Variants in NFATC3 observed in about 807,000 individuals in gnomAD.
NFATC3 encodes the protein nuclear factor of activated T cells 3.
NFATC3 carries 46 observed loss-of-function variants against 98.6 expected under a neutral mutation model. The observed-to-expected ratio is 0.47, with a 90% CI of 0.37 to 0.60. The LOEUF (loss-of-function observed/expected upper bound fraction) is 0.60, where lower values mean the gene tolerates loss of function less well. Among genes scored for constraint, NFATC3 ranks in the 20% least tolerant of loss-of-function variants. The probability of loss-of-function intolerance (pLI) is 0.00; values close to 1 mark genes in which losing one functional copy is unlikely to be tolerated. For synonymous variants in NFATC3, 512 were observed against 472.2 expected, an observed-to-expected ratio of 1.08 and a Z score of -1.09; for missense variants, 1,256 against 1,295.5, an observed-to-expected ratio of 0.97 and a Z score of 0.47.
intron 1 of NFATC3, among the ~76,000 whole-genome samples, chr16:68,094,797 A>G (rs1045013790): frequency 6.6e-6 from 1 of 152,208 alleles, no homozygotes; most frequent in African/African-American, 2.4e-5. Context: ...AATATATGCA[A>G]AATAGTTACA....
chr16:68,148,216 A>G (rs775090709), intron 3 of NFATC3, among the ~76,000 whole-genome samples: 2 of 152,012 alleles, frequency 1.3e-5, no homozygotes, highest in Non-Finnish European at 2.9e-5. Flanking sequence ...GGGTTTCTCC[A>G]TGTTGGTCAG....
At chr16:68,180,564 A>G (rs956350229) in intron 6 of NFATC3, among the ~76,000 whole-genome samples, 1 of 152,120 alleles carries the variant, frequency 6.6e-6, no homozygotes, top group African/African-American at 2.4e-5. Context: ...GGTTTGTTAC[A>G]TAGGTGTAGA....
intron 4 of NFATC3, among the ~76,000 whole-genome samples, chr16:68,159,906 G>A (rs574999698): frequency 1.4e-3 from 206 of 151,462 alleles, no homozygotes; most frequent in Non-Finnish European, 2.4e-3. Flanking sequence ...GGTGAAACCC[G>A]TCTCTGCTAA....
At chr16:68,160,284 T>TG (rs2038831177) in intron 4 of NFATC3, among the ~76,000 whole-genome samples, 1 of 151,636 alleles carries the variant, frequency 6.6e-6, no homozygotes, top group East Asian at 1.9e-4. Context: ...GCCAATATGG[T>TG]GAAACCCCCA....
chr16:68,111,489 A>G (rs924770504), intron 1 of NFATC3, among the ~76,000 whole-genome samples: 1 of 151,740 alleles, frequency 6.6e-6, no homozygotes, highest in Admixed American at 6.6e-5. Flanking sequence ...ATTTTCCTCC[A>G]TCTCTTTATT....
intron 9 of NFATC3, among the ~76,000 whole-genome samples, chr16:68,211,334 C>G: frequency 6.7e-6 from 1 of 148,734 alleles, no homozygotes; most frequent in East Asian, 2.0e-4. Context: ...ATTACAGGCA[C>G]TCACCACTAT....
At chr16:68,215,287 G>A (rs1401810519) in intron 9 of NFATC3, among the ~76,000 whole-genome samples, 1 of 152,176 alleles carries the variant, frequency 6.6e-6, no homozygotes, top group Admixed American at 6.6e-5. Context: ...GTCCAACCAT[G>A]AGAGGAGTGG....
intron 1 of NFATC3, chr16:68,088,701 G>C (rs2418738): frequency 0.18 from 27,894 of 151,784 alleles, 2,936 homozygotes; most frequent in African/African-American, 0.28. Context: ...AGCTGGCTAC[G>C]TTTTGTGTTT....
intron 3 of NFATC3, among the ~76,000 whole-genome samples, chr16:68,145,884 A>G (rs2038016277): frequency 6.6e-6 from 1 of 152,202 alleles, no homozygotes; most frequent in Non-Finnish European, 1.5e-5. Context: ...GCAGTATTGT[A>G]TCAGTGTCAA....
chr16:68,101,336 G>T (rs940705871), intron 1 of NFATC3, among the ~76,000 whole-genome samples: 2 of 152,096 alleles, frequency 1.3e-5, no homozygotes, highest in Non-Finnish European at 2.9e-5. Context: ...TAGAGATATG[G>T]TTTCACTGCA....
chr16:68,174,813 A>G (rs2039612900), intron 6 of NFATC3, among the ~76,000 whole-genome samples: 1 of 152,116 alleles, frequency 6.6e-6, no homozygotes, highest in African/African-American at 2.4e-5. Flanking sequence ...GTGGCACTTC[A>G]CTCCTCAGCC....
At chr16:68,186,210 C>T (rs184351467) in intron 8 of NFATC3, among the ~76,000 whole-genome samples, 260 of 150,208 alleles carry the variant, frequency 1.7e-3, no homozygotes, top group Middle Eastern at 3.4e-3. Context: ...CAGTACATTA[C>T]TGTAATTAAA....
intron 8 of NFATC3, among the ~76,000 whole-genome samples, chr16:68,184,083 C>T (rs1038537100): frequency 1.3e-5 from 2 of 151,430 alleles, no homozygotes; most frequent in East Asian, 1.9e-4. Context: ...AATCATTTTC[C>T]TCATATTTCT....
chr16:68,101,111 C>T (rs1458693243), intron 1 of NFATC3, among the ~76,000 whole-genome samples: 7 of 152,068 alleles, frequency 4.6e-5, no homozygotes, highest in Admixed American at 1.3e-4. Context: ...TTGCCTAACC[C>T]ATGCTCACAA....
rs1316453261 is a variant in NFATC3, at chr16:68,174,522, A to C, written c.1915+8A>C. On this transcript the variant is annotated splice_region_variant and intron_variant, in intron 6 of 9. Coordinates refer to ENST00000346183, the MANE Select transcript of NFATC3 (RefSeq NM_173165.3). ...TTCTTGAAAAAGGACAAGGTAAGTA[A>C]TATATGAGTTGATTGACTTCAAACT... 1 of 1,570,596 alleles carries C rather than the reference A, an allele frequency of 6.4e-7. No individual in the cohort carries two copies. The highest frequency in any genetic ancestry group is 1.2e-5 in the South Asian group (1 of 81,770).
At chr16:68,126,659 G>C in intron 3 of NFATC3, 49 bp downstream of exon 3, 1 of 1,583,324 alleles carries the variant, frequency 6.3e-7, no homozygotes, top group Admixed American at 1.7e-5. Context: ...ACCTAGTGAT[G>C]ATTAGACAAG....
At position 68,122,408 on chromosome 16, in the gene NFATC3, G is replaced by C. The variant is rs1381348097; in HGVS notation, c.525G>C (p.Trp175Cys). ...SPASSISSRS[W>C]FSDASSCESL... ...CCAGCAGCATCTCTTCTAGGAGTTG[G>C]TTCTCTGATGCATCTTCTTGTGAAT... The change falls in exon 2 of 10, where the codon TGG becomes TGC. Residue 175 changes from tryptophan to cysteine, a missense_variant. Physicochemically the swap from Trp to Cys is radical, Grantham distance 215. Coordinates refer to ENST00000346183, the MANE Select transcript of NFATC3 (RefSeq NM_173165.3). 4 of 1,614,042 alleles carry C rather than the reference G, an allele frequency of 2.5e-6. No individual in the cohort carries two copies. The highest frequency in any genetic ancestry group is 3.4e-6 in the Non-Finnish European group (4 of 1,180,046).
chr16:68,214,234 T>C (rs772636172), intron 9 of NFATC3: 5 of 846,688 alleles, frequency 5.9e-6, no homozygotes, highest in Non-Finnish European at 9.7e-6. Context: ...AAATTCCTTT[T>C]GATTATAGAA....
chr16:68,107,621 G>A (rs1051032280), intron 1 of NFATC3, among the ~76,000 whole-genome samples: 9 of 152,118 alleles, frequency 5.9e-5, no homozygotes, highest in African/African-American at 2.2e-4. Context: ...TACTTGGGAG[G>A]CTGAGACAGG....
Sources: gnomAD v4.1 joint callset for allele counts (sites outside exome capture counted in the v4.1 genomes callset) on GRCh38, gnomAD v4.1.1 for gene constraint, MANE v1.5 for transcripts, NCBI Gene and HGNC (gene_info 2026-07-23, HGNC 2026-07-21) for gene names.